Variants in IQGAP2 observed in about 807,000 individuals in gnomAD.
The protein encoded by IQGAP2 is IQ motif containing GTPase activating protein 2.
IQGAP2 carries 173 observed loss-of-function variants against 201.3 expected under a neutral mutation model. That is an observed-to-expected ratio of 0.86 (90% confidence interval 0.76 to 0.98). The LOEUF is 0.98. Ranked by LOEUF, IQGAP2 falls within the 50% of genes least tolerant of loss-of-function variation. The probability of loss-of-function intolerance (pLI) is 0.00; values close to 1 mark genes in which losing one functional copy is unlikely to be tolerated. For synonymous variants in IQGAP2, 675 were observed against 673.9 expected (o/e 1.00, Z -0.03); for missense variants, 1,687 against 1,864.8 (o/e 0.90, Z 1.76).
intron 35 of IQGAP2, among the ~76,000 whole-genome samples, chr5:76,703,570 A>G (rs554968581): frequency 2.0e-5 from 3 of 152,010 alleles, no homozygotes; most frequent in East Asian, 1.9e-4. Flanking sequence ...GGTGTTTGCA[A>G]TATAAATTAT....
At chr5:76,597,169 A>C in intron 9 of IQGAP2, 1 of 402,556 alleles carries the variant, frequency 2.5e-6, no homozygotes, top group Non-Finnish European at 4.5e-6. Flanking sequence ...ATAAGGAAGG[A>C]TTTTGGAAGG....
chr5:76,652,822 T>G lies in IQGAP2; in HGVS notation c.2167T>G (p.Ser723Ala), dbSNP rs764330260. ...RRQTFIDNTD[S>A]IVKIQSWFRM... ...GCAAACGTTCATTGATAATACTGAT[T>G]CTATTGTGAAGGTAAATACCCTTTC... The change falls in exon 18 of 36, where the codon TCT (serine) becomes GCT (alanine). Residue 723 changes from serine to alanine, a missense_variant. By Grantham distance (99) the Ser-to-Ala change is moderately conservative (BLOSUM62 1). Transcript: ENST00000274364. The G allele has an allele frequency of 1.3e-6, 2 of 1,598,700 alleles. No individual in the cohort carries two copies. Among genetic ancestry groups the G allele is most frequent in the Non-Finnish European group, 1.7e-6 (2 of 1,165,882 alleles).
At chr5:76,599,168 G>C (rs1481708757) in intron 10 of IQGAP2, among the ~76,000 whole-genome samples, 1 of 151,942 alleles carries the variant, frequency 6.6e-6, no homozygotes, top group East Asian at 1.9e-4. Flanking sequence ...GATCACTTGA[G>C]GCCAGGAGTT....
intron 1 of IQGAP2, among the ~76,000 whole-genome samples, chr5:76,441,997 A>G (rs993351085): frequency 2.0e-5 from 3 of 152,198 alleles, no homozygotes; most frequent in Admixed American, 2.0e-4. Context: ...CCCATTAGCG[A>G]GGGAATAGCC....
rs1358022971 is a variant in IQGAP2 at position 76,461,614 on chromosome 5, A to G, written c.91A>G (p.Arg31Gly). The G allele has an allele frequency of 2.5e-6, 4 of 1,613,912 alleles. No individual in the cohort carries two copies. The highest frequency in any genetic ancestry group is 3.4e-6 in the Non-Finnish European group (4 of 1,179,920). Residue 31 changes from arginine (R) to glycine (G), a missense_variant, in exon 2 of 36, where the codon AGG (arginine) becomes GGG (glycine). Transcript: ENST00000274364. ...ERLSAEEMDE[R>G]RRQNIAYEYL... ...GCTCTCTGCAGAGGAGATGGATGAG[A>G]GGAGGCGGCAGAACATTGCTTATGA...
intron 12 of IQGAP2, among the ~76,000 whole-genome samples, chr5:76,610,074 CTCTATA>C (rs1471008077): frequency 3.6e-3 from 16 of 4,398 alleles, no homozygotes; most frequent in African/African-American, 7.6e-3. Flanking sequence ...CTCTCTCTCT[CTCTATA>C]TATATATATA....
chr5:76,438,527 C>T (rs1014134160), intron 1 of IQGAP2, among the ~76,000 whole-genome samples: 1 of 152,058 alleles, frequency 6.6e-6, no homozygotes, highest in African/African-American at 2.4e-5. Context: ...ACTGCAACCT[C>T]CACCTCCCAG....
chr5:76,677,446 A>G, intron 28 of IQGAP2, 96 bp downstream of exon 28: 2 of 1,112,084 alleles, frequency 1.8e-6, no homozygotes, highest in South Asian at 1.6e-5. Context: ...TATTGTACAC[A>G]TGTGCTAATA....
chr5:76,603,549 C>T (rs1747580310), intron 11 of IQGAP2, among the ~76,000 whole-genome samples: 2 of 152,348 alleles, frequency 1.3e-5, no homozygotes, highest in South Asian at 4.1e-4. Context: ...TTTCCTTCCA[C>T]TTCTTGCTTT....
At chr5:76,704,148 TC>T (rs1444180190) in intron 35 of IQGAP2, among the ~76,000 whole-genome samples, 1 of 152,256 alleles carries the variant, frequency 6.6e-6, no homozygotes, top group Non-Finnish European at 1.5e-5. Flanking sequence ...ACTAAATGTA[TC>T]CATTTAATAA....
At chr5:76,441,372 C>A in intron 1 of IQGAP2, 2 of 315,152 alleles carry the variant, frequency 6.3e-6, no homozygotes, top group Non-Finnish European at 9.2e-6. Flanking sequence ...TTTTAGTAAA[C>A]TCTTTTTTAC....
intron 2 of IQGAP2, among the ~76,000 whole-genome samples, chr5:76,511,955 C>T (rs1324260792): frequency 1.3e-5 from 2 of 152,184 alleles, no homozygotes; most frequent in Non-Finnish European, 2.9e-5. Flanking sequence ...GCTGGGATTA[C>T]AGGCGTGAGC....
intron 14 of IQGAP2, chr5:76,628,818 GC>G (rs902329692): frequency 4.8e-6 from 2 of 415,820 alleles, no homozygotes; most frequent in Non-Finnish European, 9.5e-6. Flanking sequence ...TTTCTAGCAC[GC>G]CTTAAGAAAA....
intron 5 of IQGAP2, among the ~76,000 whole-genome samples, chr5:76,578,628 A>AAAGAAATGTTTGTCTTTTTCTC: frequency 6.6e-6 from 1 of 152,220 alleles, no homozygotes; most frequent in African/African-American, 2.4e-5. Flanking sequence ...TTCTTTTTCT[A>AAAGAAATGTTTGTCTTTTTCTC]AAGAAATGTT....
chr5:76,632,151 T>C, intron 15 of IQGAP2, 125 bp downstream of exon 15: 1 of 818,956 alleles, frequency 1.2e-6, no homozygotes, highest in South Asian at 2.3e-5. Flanking sequence ...TTTTGTCATC[T>C]ATGGCTAAGG....
chr5:76,647,823 C>CCCCACACACACACA (rs1554080322), intron 17 of IQGAP2, among the ~76,000 whole-genome samples: 2 of 62,582 alleles, frequency 3.2e-5, no homozygotes, highest in African/African-American at 9.1e-5. Context: ...TAGCCAAACA[C>CCCCACACACACACA]CACACACACA....
chr5:76,686,224 T>C (rs777833264), intron 30 of IQGAP2, among the ~76,000 whole-genome samples: 1 of 152,186 alleles, frequency 6.6e-6, no homozygotes. Context: ...TTATCAGATA[T>C]ATGATTTGCA....
chr5:76,490,520 A>G (rs560695769), intron 2 of IQGAP2, among the ~76,000 whole-genome samples: 1 of 152,352 alleles, frequency 6.6e-6, no homozygotes, highest in East Asian at 1.9e-4. Flanking sequence ...TTTAGAGACC[A>G]TTAGGACTTA....
intron 1 of IQGAP2, among the ~76,000 whole-genome samples, chr5:76,454,288 A>G (rs1652515867): frequency 6.6e-6 from 1 of 151,748 alleles, no homozygotes. Context: ...AGATATATAT[A>G]TATTTTTTAA....
Sources: allele counts gnomAD v4.1 joint callset (sites outside exome capture counted in the v4.1 genomes callset), GRCh38; gene constraint gnomAD v4.1.1; transcripts MANE v1.5; gene names NCBI Gene and HGNC (gene_info 2026-07-23, HGNC 2026-07-21).